The following MAGI1 variants were observed in gnomAD, a reference collection of about 807,000 sequenced individuals.
MAGI1 encodes membrane-associated guanylate kinase, WW and PDZ domain-containing protein 1.
MAGI1 carries 58 observed loss-of-function variants against 139.9 expected under a neutral mutation model. That is an observed-to-expected ratio of 0.41 (90% confidence interval 0.34 to 0.52). The LOEUF is 0.52. MAGI1 is among the 20% of genes least tolerant of loss of function. The probability of loss-of-function intolerance (pLI) is 0.12; values close to 1 mark genes in which losing one functional copy is unlikely to be tolerated. For synonymous variants in MAGI1, 812 were observed against 737.9 expected (o/e 1.10, Z -1.63); for missense variants, 1,874 against 1,901.6 (o/e 0.99, Z 0.27).
intron 12 of MAGI1, among the ~76,000 whole-genome samples, chr3:65,414,430 T>C (rs960962119): frequency 6.6e-6 from 1 of 152,220 alleles, no homozygotes; most frequent in African/African-American, 2.4e-5. Flanking sequence ...CCGAACGCTT[T>C]CTTCCTGAAT....
At chr3:65,473,493 G>C (rs1218678830) in intron 4 of MAGI1, among the ~76,000 whole-genome samples, 1 of 152,004 alleles carries the variant, frequency 6.6e-6, no homozygotes, top group East Asian at 1.9e-4. Context: ...GCAGTAAACT[G>C]TTAGGATGAT....
At chr3:65,717,576 T>C (rs571957362) in intron 1 of MAGI1, 2 of 152,326 alleles carry the variant, frequency 1.3e-5, no homozygotes, top group South Asian at 2.1e-4. Flanking sequence ...GATCAAATTA[T>C]TACAGGATTC....
intron 1 of MAGI1, among the ~76,000 whole-genome samples, chr3:65,632,972 T>A (rs933435371): frequency 3.9e-5 from 6 of 152,118 alleles, no homozygotes; most frequent in Non-Finnish European, 7.4e-5. Context: ...GCAGCAGCAA[T>A]ACCCAGAAAC....
chr3:65,559,279 T>A (rs1268146967), intron 2 of MAGI1, among the ~76,000 whole-genome samples: 1 of 152,206 alleles, frequency 6.6e-6, no homozygotes, highest in Non-Finnish European at 1.5e-5. Flanking sequence ...GATTAAATAA[T>A]CCTAACAGTT....
At chr3:65,839,790 A>G (rs1329156445) in intron 1 of MAGI1, among the ~76,000 whole-genome samples, 1 of 152,190 alleles carries the variant, frequency 6.6e-6, no homozygotes, top group African/African-American at 2.4e-5. Context: ...TACACAGAAG[A>G]CCTGTGAAGA....
chr3:65,949,806 G>T (rs1030635835), intron 1 of MAGI1, among the ~76,000 whole-genome samples: 5 of 152,048 alleles, frequency 3.3e-5, no homozygotes, highest in Admixed American at 1.3e-4. Context: ...GATTGGGGCT[G>T]GGCACGGTGG....
intron 2 of MAGI1, among the ~76,000 whole-genome samples, chr3:65,590,801 G>C (rs1488657092): frequency 6.6e-6 from 1 of 152,066 alleles, no homozygotes; most frequent in Non-Finnish European, 1.5e-5. Context: ...AGCCTCTAAG[G>C]CCAAAGGAAA....
At chr3:65,600,784 T>C (rs1441819743) in intron 2 of MAGI1, among the ~76,000 whole-genome samples, 2 of 152,148 alleles carry the variant, frequency 1.3e-5, no homozygotes, top group Admixed American at 6.5e-5. Flanking sequence ...ACTGAACACA[T>C]TGAAAGTAAT....
chr3:65,400,691 A>G (rs1404359861), intron 13 of MAGI1, among the ~76,000 whole-genome samples: 1 of 149,722 alleles, frequency 6.7e-6, no homozygotes. Flanking sequence ...ATTAGCTAAC[A>G]TGTCAACTAG....
chr3:65,419,005 G>C (rs1021635969), intron 12 of MAGI1, among the ~76,000 whole-genome samples: 1 of 152,132 alleles, frequency 6.6e-6, no homozygotes, highest in Non-Finnish European at 1.5e-5. Flanking sequence ...TTCTATCTGC[G>C]CTGGCGGCTC....
At chr3:65,626,030 T>C (rs930315715) in intron 1 of MAGI1, among the ~76,000 whole-genome samples, 42 of 152,278 alleles carry the variant, frequency 2.8e-4, no homozygotes, top group African/African-American at 9.4e-4. Context: ...ACTCTAGAAA[T>C]TGAGTAAAAA....
chr3:65,521,088 G>C (rs2078132080), intron 2 of MAGI1, among the ~76,000 whole-genome samples: 1 of 152,176 alleles, frequency 6.6e-6, no homozygotes, highest in Admixed American at 6.5e-5. Context: ...GTCTAGATGT[G>C]AGATGTAATA....
At chr3:65,482,116 T>A (rs73832866) in intron 3 of MAGI1, among the ~76,000 whole-genome samples, 2,818 of 152,212 alleles carry the variant, frequency 0.019, 85 homozygotes, top group African/African-American at 0.062. Flanking sequence ...GCACACCATA[T>A]CATGGGGTAA....
At chr3:65,865,154 A>G (rs757201645) in intron 1 of MAGI1, among the ~76,000 whole-genome samples, 3 of 152,208 alleles carry the variant, frequency 2.0e-5, no homozygotes, top group Non-Finnish European at 4.4e-5. Flanking sequence ...AATGTTTACT[A>G]AAAAACCAGA....
At chr3:65,609,152 A>G (rs2082904659) in intron 2 of MAGI1, among the ~76,000 whole-genome samples, 1 of 152,136 alleles carries the variant, frequency 6.6e-6, no homozygotes, top group South Asian at 2.1e-4. Context: ...CAAAATATTG[A>G]CCTGGGAAAT....
At chr3:65,557,773 G>T (rs952750694) in intron 2 of MAGI1, among the ~76,000 whole-genome samples, 2 of 152,136 alleles carry the variant, frequency 1.3e-5, no homozygotes, top group East Asian at 3.9e-4. Flanking sequence ...TTAGGTGGGT[G>T]AATTAATTGT....
At chr3:65,407,249 C>A (rs1351973893) in intron 12 of MAGI1, among the ~76,000 whole-genome samples, 1 of 152,004 alleles carries the variant, frequency 6.6e-6, no homozygotes, top group Non-Finnish European at 1.5e-5. Context: ...GAGTTTGAGA[C>A]CAGCCTGGCC....
chr3:65,860,652 A>G (rs1455007387), intron 1 of MAGI1, among the ~76,000 whole-genome samples: 3 of 152,206 alleles, frequency 2.0e-5, no homozygotes, highest in Non-Finnish European at 4.4e-5. Flanking sequence ...GATGGTGTCA[A>G]GAGTCTGTCC....
At chr3:65,775,449 GA>G (rs1553705201) in intron 1 of MAGI1, among the ~76,000 whole-genome samples, 42 of 26,280 alleles carry the variant, frequency 1.6e-3, no homozygotes, top group Middle Eastern at 0.026. Flanking sequence ...ACCTTCTCTG[GA>G]AAAAAAAAAA....
Sources: allele counts gnomAD v4.1 joint callset (sites outside exome capture counted in the v4.1 genomes callset), GRCh38; gene constraint gnomAD v4.1.1; transcripts MANE v1.5; gene names NCBI Gene and HGNC (gene_info 2026-07-23, HGNC 2026-07-21).